The following KAZN variants were observed in gnomAD, a reference collection of about 807,000 sequenced individuals.
The protein encoded by KAZN is kazrin, periplakin interacting protein.
KAZN carries 40 observed loss-of-function variants against 87.4 expected under a neutral mutation model. That is an observed-to-expected ratio of 0.46 (90% confidence interval 0.36 to 0.60). The LOEUF is 0.60. Among genes scored for constraint, KAZN ranks in the 20% least tolerant of loss-of-function variants. KAZN has a pLI of 0.00. For missense variants in KAZN, 898 were observed against 1,073.9 expected, an observed-to-expected ratio of 0.84 and a Z score of 2.29; for synonymous variants, 466 against 458.3, an observed-to-expected ratio of 1.02 and a Z score of -0.22.
intron 1 of KAZN, among the ~76,000 whole-genome samples, chr1:14,123,676 A>G (rs1201090186): frequency 6.6e-6 from 1 of 152,174 alleles, no homozygotes; most frequent in Non-Finnish European, 1.5e-5. Flanking sequence ...TGCAAATGGG[A>G]CTGCAGCCTC....
At chr1:14,399,813 A>T (rs531027402) in intron 2 of KAZN, among the ~76,000 whole-genome samples, 1 of 146,432 alleles carries the variant, frequency 6.8e-6, no homozygotes, top group Non-Finnish European at 1.5e-5. Flanking sequence ...CTACTCATCA[A>T]TTACCTCTTC....
intron 1 of KAZN, among the ~76,000 whole-genome samples, chr1:13,936,580 T>C (rs770320430): frequency 2.0e-5 from 3 of 152,220 alleles, no homozygotes; most frequent in Non-Finnish European, 4.4e-5. Context: ...TTTATGTCCA[T>C]GTGTACCCAT....
At chr1:14,006,522 G>C (rs1337270052) in intron 1 of KAZN, among the ~76,000 whole-genome samples, 1 of 152,124 alleles carries the variant, frequency 6.6e-6, no homozygotes, top group Non-Finnish European at 1.5e-5. Context: ...GCATATTTTT[G>C]TGTAAGATTA....
chr1:15,081,617 A>C lies in KAZN; in HGVS notation c.1223-12563A>C, dbSNP rs1422445983. ...TGGGGAGTTGTAGGGTACCCACACT[A>C]GGTGACCAGGAAAGGAGTCCCTGAA... On this transcript the variant is annotated intron_variant, in intron 8 of 14. Transcript: ENST00000376030. This position sits in a 1 kb window ranked among gnomAD's most constrained non-coding sequence, Gnocchi z 4.1. Among the ~76,000 whole-genome samples the C allele has an allele frequency of 6.6e-6, 1 of 152,060 alleles. No homozygotes were observed. Among genetic ancestry groups the C allele is most frequent in the Non-Finnish European group, 1.5e-5 (1 of 68,016 alleles).
At chr1:14,813,479 G>A (rs992755856) in intron 1 of KAZN, among the ~76,000 whole-genome samples, 1 of 152,180 alleles carries the variant, frequency 6.6e-6, no homozygotes, top group African/African-American at 2.4e-5. Context: ...GCATCAATTT[G>A]CCAGCCATGT....
intron 1 of KAZN, among the ~76,000 whole-genome samples, chr1:13,951,622 A>AGAT (rs1432366025): frequency 1.1e-4 from 12 of 110,476 alleles, no homozygotes; most frequent in Admixed American, 2.2e-4. Context: ...TCTAAAATGG[A>AGAT]GATAATAATA....
In KAZN at chr1:15,081,488, C is replaced by T. The variant is rs368292554; in HGVS notation, c.1223-12692C>T. 1.3e-4 allele frequency among the ~76,000 whole-genome samples: 20 copies of T among 152,164 alleles called. No individual in the cohort carries two copies. The highest frequency in any genetic ancestry group is 4.6e-4 in the African/African-American group (19 of 41,508). ...TCTGGTGGGAGACACAGACTTTCATCGAATAATTACACAACTGTTCGTTTC... is the reference window on the plus strand; with the variant it reads ...TCTGGTGGGAGACACAGACTTTCATTGAATAATTACACAACTGTTCGTTTC... On this transcript the variant is annotated intron_variant, in intron 8 of 14. Transcript: ENST00000376030. The surrounding 1 kb of genome is among the most constrained non-coding windows in gnomAD (Gnocchi z 4.1).
intron 1 of KAZN, among the ~76,000 whole-genome samples, chr1:14,082,105 G>A (rs1165041841): frequency 6.6e-6 from 1 of 152,020 alleles, no homozygotes; most frequent in African/African-American, 2.4e-5. Flanking sequence ...CTCTCTGATG[G>A]GGCTGCCTGG....
chr1:14,181,517 A>C (rs1336157691), intron 2 of KAZN, among the ~76,000 whole-genome samples: 1 of 152,194 alleles, frequency 6.6e-6, no homozygotes, highest in Non-Finnish European at 1.5e-5. Flanking sequence ...GTCTTGTACC[A>C]ATACGGCTTT....
intron 2 of KAZN, among the ~76,000 whole-genome samples, chr1:15,012,336 A>G (rs1669655789): frequency 1.3e-5 from 2 of 152,178 alleles, no homozygotes; most frequent in Admixed American, 1.3e-4. Context: ...TCTGGGGCCA[A>G]TCCACAGGCT....
At chr1:14,639,032 A>T (rs1394601680) in intron 1 of KAZN, among the ~76,000 whole-genome samples, 1 of 152,110 alleles carries the variant, frequency 6.6e-6, no homozygotes, top group Non-Finnish European at 1.5e-5. Flanking sequence ...ACCATACACA[A>T]TGGGCTGCAG....
At chr1:14,741,670 T>TC (rs1410253663) in intron 1 of KAZN, among the ~76,000 whole-genome samples, 1 of 152,092 alleles carries the variant, frequency 6.6e-6, no homozygotes, top group Non-Finnish European at 1.5e-5. Context: ...AAGGGGCACT[T>TC]CCCCCCGGGG....
chr1:14,524,163 A>G (rs1571860524), intron 2 of KAZN, among the ~76,000 whole-genome samples: 1 of 152,084 alleles, frequency 6.6e-6, no homozygotes, highest in African/African-American at 2.4e-5. Flanking sequence ...CTGGGATTAC[A>G]GGCATGCACC....
intron 1 of KAZN, among the ~76,000 whole-genome samples, chr1:14,057,019 G>C (rs1642591324): frequency 7.0e-6 from 1 of 143,404 alleles, no homozygotes; most frequent in East Asian, 2.0e-4. Flanking sequence ...ACTCCAGCCT[G>C]AGTGAAAGAG....
At chr1:14,851,886 G>A (rs917564136) in intron 1 of KAZN, among the ~76,000 whole-genome samples, 1 of 152,330 alleles carries the variant, frequency 6.6e-6, no homozygotes, top group Admixed American at 6.5e-5. Flanking sequence ...GTCACTGGGG[G>A]AGGGACCTAG....
intron 1 of KAZN, among the ~76,000 whole-genome samples, chr1:14,959,179 C>T (rs987827755): frequency 6.6e-6 from 1 of 152,150 alleles, no homozygotes; most frequent in Non-Finnish European, 1.5e-5. Flanking sequence ...CCCTGCACCC[C>T]CACCCGCCCC....
At chr1:14,550,020 G>T (rs761135346) in intron 2 of KAZN, among the ~76,000 whole-genome samples, 1 of 152,156 alleles carries the variant, frequency 6.6e-6, no homozygotes, top group Non-Finnish European at 1.5e-5. Flanking sequence ...TCAAAATGAG[G>T]GTCCCTTCTG....
In KAZN at chr1:14,024,142, A is replaced by T. The variant is rs564695295; in HGVS notation, c.91+130386A>T. Among the ~76,000 whole-genome samples, 33 of 152,230 alleles carry T rather than the reference A, an allele frequency of 2.2e-4. No homozygotes were observed. The South Asian group carries it at 6.6e-3, about 31-fold the overall frequency. ...ATGCAAATGGTGCTGACAAGAGAAA[A>T]CCTTCAGGCTGGTGACCCAGAAAAA... On this transcript the variant is annotated intron_variant, in intron 1 of 16. Transcript: ENST00000636203.
intron 1 of KAZN, among the ~76,000 whole-genome samples, chr1:13,895,144 C>G (rs1373435830): frequency 6.6e-6 from 1 of 152,164 alleles, no homozygotes; most frequent in Non-Finnish European, 1.5e-5. Flanking sequence ...GCATAGCTGC[C>G]TTTGGTAGTA....
Sources: gnomAD v4.1 joint callset for allele counts (sites outside exome capture counted in the v4.1 genomes callset) on GRCh38, gnomAD v4.1.1 for gene constraint, Gnocchi (gnomAD v3.1) non-coding constraint, MANE v1.5 for transcripts, NCBI Gene and HGNC (gene_info 2026-07-23, HGNC 2026-07-21) for gene names.